Variants in AGAP4 observed in about 807,000 individuals in gnomAD.
AGAP4 encodes the protein arf-GAP with GTPase, ANK repeat and PH domain-containing protein 4.
A neutral mutation model predicts 60.7 loss-of-function variants in AGAP4; 13 were observed. The observed-to-expected ratio is 0.21, with a 90% CI of 0.14 to 0.34. AGAP4 has a LOEUF of 0.34. Ranked by LOEUF, AGAP4 falls within the 10% of genes least tolerant of loss-of-function variation. AGAP4 has a pLI of 1.00. For missense variants in AGAP4, 169 were observed against 884.0 expected (o/e 0.19, Z 10.26); for synonymous variants, 70 against 339.0 (o/e 0.21, Z 8.72).
chr10:45,849,575 T>G (rs1478858649), upstream of AGAP4, among the ~76,000 whole-genome samples: 6 of 151,270 alleles, frequency 4.0e-5, no homozygotes, highest in Admixed American at 4.0e-4. Context: ...GTCTTGTAGA[T>G]GTATAGAAAT....
At chr10:45,848,608 C>G (rs1309930157), upstream of AGAP4, among the ~76,000 whole-genome samples, 7 of 152,192 alleles carry the variant, frequency 4.6e-5, no homozygotes, top group Admixed American at 1.3e-4. Context: ...TCCCCAAGGT[C>G]ACATGACTGC....
intron 2 of AGAP4, 26 bp downstream of exon 2, chr10:45,846,657 TAAAC>T (rs2059004197): frequency 1.4e-6 from 1 of 728,086 alleles, no homozygotes; most frequent in Admixed American, 2.9e-5. Context: ...CACAGGATAA[TAAAC>T]AGAGCTACAG....
upstream of AGAP4, chr10:45,847,999 CTA>C (rs2059028336): frequency 5.9e-6 from 6 of 1,015,814 alleles, no homozygotes; most frequent in Non-Finnish European, 7.1e-6. Context: ...CCATCTTCCT[CTA>C]TGAGTTCTAT....
intron 4 of AGAP4, among the ~76,000 whole-genome samples, chr10:45,839,658 T>G (rs2058885659): frequency 8.8e-6 from 1 of 113,618 alleles, no homozygotes; most frequent in Non-Finnish European, 1.9e-5. Flanking sequence ...GTCTCCCAAA[T>G]GAAAAGCTAG....
rs1209288832 is a variant in AGAP4 at position 45,846,999 on chromosome 10, C to T, written c.223+126G>A. ...AGGCAGAGCCAGCTTTTGTTCCTGGCCAGCTCCCGGGAAAGCTGGCTACAA... is the reference window on the plus strand; with the variant it reads ...AGGCAGAGCCAGCTTTTGTTCCTGGTCAGCTCCCGGGAAAGCTGGCTACAA... On this transcript the variant is annotated intron_variant, in intron 1 of 7. Coordinates refer to ENST00000616763, the MANE Select transcript of AGAP4 (RefSeq NM_001276343.3). 5.1e-4 allele frequency: 808 copies of T among 1,596,642 alleles called. No individual in the cohort carries two copies. The African/African-American group carries it at 9.5e-3, about 19-fold the overall frequency.
chr10:45,852,135 G>A (rs1357592865), upstream of AGAP4, among the ~76,000 whole-genome samples: 9 of 146,432 alleles, frequency 6.1e-5, no homozygotes, highest in African/African-American at 1.8e-4. Flanking sequence ...GATGGTCTCC[G>A]TCTCTTGACT....
upstream of AGAP4, among the ~76,000 whole-genome samples, chr10:45,849,615 C>G (rs1319432184): frequency 6.6e-6 from 1 of 150,692 alleles, no homozygotes; most frequent in East Asian, 2.0e-4. Flanking sequence ...GGCTATTAAC[C>G]TTTTATGCTT....
At chr10:45,849,663 G>A (rs1251185997), upstream of AGAP4, among the ~76,000 whole-genome samples, 6 of 143,816 alleles carry the variant, frequency 4.2e-5, no homozygotes, top group African/African-American at 1.0e-4. Flanking sequence ...TTTTTGAGAC[G>A]GAGTTTCTCT....
At chr10:45,841,834 A>T in intron 3 of AGAP4, 147 bp from the exon 4 acceptor site, 2 of 680,416 alleles carry the variant, frequency 2.9e-6, no homozygotes, top group Admixed American at 3.6e-5. Context: ...AATTTAAATT[A>T]TCTGGCATGA....
chr10:45,844,494 C>G, intron 2 of AGAP4, 100 bp from the exon 3 acceptor site: 6 of 1,552,776 alleles, frequency 3.9e-6, no homozygotes, highest in Admixed American at 1.9e-5. Context: ...TTCACTATCT[C>G]TACTTTGATT....
upstream of AGAP4, among the ~76,000 whole-genome samples, chr10:45,850,073 G>A (rs1361929884): frequency 1.3e-5 from 2 of 151,594 alleles, no homozygotes; most frequent in African/African-American, 4.9e-5. Context: ...GGGATTACAG[G>A]AGCCCAACCC....
intron 3 of AGAP4, among the ~76,000 whole-genome samples, chr10:45,844,002 A>C (rs1290193855): frequency 1.3e-5 from 2 of 149,946 alleles, no homozygotes; most frequent in Non-Finnish European, 2.9e-5. Context: ...GCAAGGGAAA[A>C]GGGATTGTAA....
rs1346168243 is a variant in AGAP4, at chr10:45,835,011, G to C, written c.397-895C>G. 4.8e-5 allele frequency among the ~76,000 whole-genome samples: 7 copies of C among 146,194 alleles called. 1 individual carries two copies. The highest frequency in any genetic ancestry group is 1.6e-4 in the African/African-American group (6 of 37,114). ...GATGGTCTCGATCTCCTCACCTCGCGATCTGCCTGCCTCAGCCTCCCAAAG... is the reference window on the plus strand; with the variant it reads ...GATGGTCTCGATCTCCTCACCTCGCCATCTGCCTGCCTCAGCCTCCCAAAG... On this transcript the variant is annotated intron_variant, in intron 4 of 7. Transcript: ENST00000616763.
chr10:45,838,924 C>A (rs2058872387), intron 4 of AGAP4, among the ~76,000 whole-genome samples: 1 of 139,016 alleles, frequency 7.2e-6, no homozygotes, highest in Non-Finnish European at 1.6e-5. Context: ...TTAAACAAGG[C>A]CTTAGGAGAA....
chr10:45,832,434 G>T (rs2058749874), intron 5 of AGAP4, among the ~76,000 whole-genome samples: 1 of 149,150 alleles, frequency 6.7e-6, no homozygotes, highest in African/African-American at 2.5e-5. Flanking sequence ...AAAATCGCCT[G>T]AGAAGCTTTA....
At position 45,825,610 on chromosome 10, in the gene AGAP4, T is replaced by A. The variant is rs1554895966; in HGVS notation, c.*305A>T. 4.5e-5 allele frequency: 21 copies of A among 463,824 alleles called. No homozygotes were observed. Among genetic ancestry groups the A allele is most frequent in the South Asian group, 3.2e-4 (13 of 40,888 alleles). The allele number at this position is 463,824 out of a possible 1,614,324, so 28.7% of individuals were successfully genotyped here. A position where few individuals can be genotyped will look rare whatever the true frequency, so the allele number is the denominator to read the frequency against. ...TGCCATGTGTACAAAAATCAATGCATATTTATGAACTTTATTTCAAATATA... is the reference window on the plus strand; with the variant it reads ...TGCCATGTGTACAAAAATCAATGCAAATTTATGAACTTTATTTCAAATATA... On this transcript the variant is annotated 3_prime_UTR_variant, in exon 8 of 8. Coordinates refer to ENST00000616763, the MANE Select transcript of AGAP4 (RefSeq NM_001276343.3).
At chr10:45,839,625 A>T (rs538595598) in intron 4 of AGAP4, among the ~76,000 whole-genome samples, 2 of 114,164 alleles carry the variant, frequency 1.8e-5, no homozygotes, top group Admixed American at 1.6e-4. Context: ...TCTTCAAAAA[A>T]GATCCCCAGA....
upstream of AGAP4, among the ~76,000 whole-genome samples, chr10:45,852,228 A>AAAAAACAAAC (rs1564866659): frequency 8.2e-6 from 1 of 122,660 alleles, no homozygotes; most frequent in African/African-American, 2.7e-5. Context: ...AAAAAAAAAA[A>AAAAAACAAAC]AAAAAAAAAA....
chr10:45,838,749 A>G (rs1300500090), intron 4 of AGAP4, among the ~76,000 whole-genome samples: 2 of 151,544 alleles, frequency 1.3e-5, no homozygotes, highest in Non-Finnish European at 2.9e-5. Flanking sequence ...TTGTTATTTA[A>G]CCTTTTTGTA....
Sources: gnomAD v4.1 joint callset for allele counts (sites outside exome capture counted in the v4.1 genomes callset) on GRCh38, gnomAD v4.1.1 for gene constraint, MANE v1.5 for transcripts, NCBI Gene and HGNC (gene_info 2026-07-23, HGNC 2026-07-21) for gene names.